Variants in GPC5 observed in about 807,000 individuals in gnomAD.
The protein encoded by GPC5 is glypican-5.
In GPC5, 47 loss-of-function variants were observed where a neutral mutation model predicts 53.9. The observed-to-expected ratio is 0.87, with a 90% CI of 0.69 to 1.11. The LOEUF (loss-of-function observed/expected upper bound fraction) is 1.11, where lower values mean the gene tolerates loss of function less well. GPC5 is among the 50% of genes most tolerant of loss of function. The pLI, the probability that GPC5 is intolerant of heterozygous loss-of-function variation, is 0.00. For synonymous variants in GPC5, 286 were observed against 263.3 expected (o/e 1.09, Z -0.84); for missense variants, 748 against 713.1 (o/e 1.05, Z -0.56).
At chr13:91,943,069 CT>C (rs1394758260) in intron 6 of GPC5, among the ~76,000 whole-genome samples, 1 of 152,038 alleles carries the variant, frequency 6.6e-6, no homozygotes, top group Non-Finnish European at 1.5e-5. Context: ...TTCTGACATG[CT>C]TTAATCACCA....
At position 92,708,857 on chromosome 13, in the gene GPC5, C is replaced by CTTTTTTTTTTTTTTTTTT. The variant is rs752130758; in HGVS notation, c.1562-157399_1562-157382dup. ...CTAGCAGCATCTAGCTGGAAACCGCCTTTTTTTTTTTTTTTTTTTTTTTTT... is the reference window on the plus strand; with the variant it reads ...CTAGCAGCATCTAGCTGGAAACCGCCTTTTTTTTTTTTTTTTTTTTTTTTTTTTTTTTTTTTTTTTTTT... On this transcript the variant is annotated intron_variant, in intron 7 of 7. Transcript: ENST00000377067. 3.3e-4 allele frequency among the ~76,000 whole-genome samples: 16 copies of CTTTTTTTTTTTTTTTTTT among 48,184 alleles called. 4 individuals are homozygous for CTTTTTTTTTTTTTTTTTT. The highest frequency in any genetic ancestry group is 5.8e-4 in the Non-Finnish European group (14 of 24,284). 31.6% of individuals were successfully genotyped at this position (48,184 alleles called of 152,430 possible). A position where few individuals can be genotyped will look rare whatever the true frequency, so the allele number is the denominator to read the frequency against.
chr13:92,160,025 C>T (rs925034348), intron 7 of GPC5, among the ~76,000 whole-genome samples: 1 of 152,076 alleles, frequency 6.6e-6, no homozygotes, highest in South Asian at 2.1e-4. Context: ...GCTTCAGCCT[C>T]CAGAGTAGCT....
At chr13:91,847,872 T>A (rs952642531) in intron 5 of GPC5, among the ~76,000 whole-genome samples, 3 of 152,212 alleles carry the variant, frequency 2.0e-5, no homozygotes, top group Non-Finnish European at 4.4e-5. Context: ...ATAAATCTAA[T>A]TTTTGAAGAA....
At chr13:91,541,995 A>T (rs1417780579) in intron 2 of GPC5, among the ~76,000 whole-genome samples, 3 of 140,858 alleles carry the variant, frequency 2.1e-5, no homozygotes, top group Non-Finnish European at 4.7e-5. Context: ...ACATATTGTG[A>T]TTTTTTCCCA....
At chr13:91,566,424 C>T (rs759432465) in intron 2 of GPC5, among the ~76,000 whole-genome samples, 21 of 151,968 alleles carry the variant, frequency 1.4e-4, no homozygotes, top group Non-Finnish European at 2.6e-4. Context: ...ATTAGCCGGG[C>T]GTGGTGGTGC....
chr13:91,476,456 C>T (rs1450004026), intron 2 of GPC5, among the ~76,000 whole-genome samples: 1 of 151,588 alleles, frequency 6.6e-6, no homozygotes, highest in African/African-American at 2.4e-5. Flanking sequence ...CATGTGAGAC[C>T]AAAAAAAGAA....
intron 5 of GPC5, among the ~76,000 whole-genome samples, chr13:91,815,301 C>T (rs985783363): frequency 3.3e-5 from 5 of 151,884 alleles, no homozygotes; most frequent in Admixed American, 1.3e-4. Flanking sequence ...CCCAGGAGGT[C>T]GAGACTACAA....
At chr13:92,635,263 C>T (rs1275230720) in intron 7 of GPC5, among the ~76,000 whole-genome samples, 2 of 152,040 alleles carry the variant, frequency 1.3e-5, no homozygotes, top group African/African-American at 4.8e-5. Context: ...TATCTTGGTT[C>T]CCTCTCTATC....
chr13:92,241,136 T>A (rs2042608882), intron 7 of GPC5: 1 of 152,152 alleles, frequency 6.6e-6, no homozygotes, highest in African/African-American at 2.4e-5. Context: ...AAAAATTCTT[T>A]CTCCAAATTT....
At chr13:91,548,050 C>T (rs2030399349) in intron 2 of GPC5, among the ~76,000 whole-genome samples, 1 of 152,118 alleles carries the variant, frequency 6.6e-6, no homozygotes, top group Non-Finnish European at 1.5e-5. Flanking sequence ...CTAGCAAGAT[C>T]AGGAGCAAAG....
At chr13:91,475,452 T>G (rs893697127) in intron 2 of GPC5, among the ~76,000 whole-genome samples, 3 of 152,214 alleles carry the variant, frequency 2.0e-5, no homozygotes, top group Non-Finnish European at 2.9e-5. Flanking sequence ...TCAAAAAGCA[T>G]ATGGTTTATT....
At chr13:91,438,648 T>C (rs1458235379) in intron 1 of GPC5, among the ~76,000 whole-genome samples, 3 of 152,182 alleles carry the variant, frequency 2.0e-5, no homozygotes, top group Admixed American at 2.0e-4. Context: ...TACTCAGATC[T>C]CAAGCTGTGT....
At chr13:92,593,579 G>A (rs1883780372) in intron 7 of GPC5, among the ~76,000 whole-genome samples, 1 of 151,134 alleles carries the variant, frequency 6.6e-6, no homozygotes, top group Non-Finnish European at 1.5e-5. Context: ...TTCAGCATTA[G>A]AGGACTGAAT....
chr13:92,225,316 T>A (rs2042477458), intron 7 of GPC5, among the ~76,000 whole-genome samples: 1 of 152,236 alleles, frequency 6.6e-6, no homozygotes, highest in Non-Finnish European at 1.5e-5. Flanking sequence ...TGTGTAGAAT[T>A]GTTTTATTGT....
chr13:91,774,897 T>G (rs553336152), intron 5 of GPC5, among the ~76,000 whole-genome samples: 12 of 152,302 alleles, frequency 7.9e-5, no homozygotes, highest in African/African-American at 2.9e-4. Flanking sequence ...TCCTCTTTAC[T>G]GAGAGCACTA....
At chr13:91,636,209 A>G (rs1029644375) in intron 2 of GPC5, among the ~76,000 whole-genome samples, 1 of 152,096 alleles carries the variant, frequency 6.6e-6, no homozygotes, top group African/African-American at 2.4e-5. Context: ...CCATTTACAT[A>G]TATCTTTCCC....
chr13:92,546,897 G>A (rs1424743504), intron 7 of GPC5, among the ~76,000 whole-genome samples: 1 of 152,022 alleles, frequency 6.6e-6, no homozygotes, highest in Non-Finnish European at 1.5e-5. Flanking sequence ...TCACAAACCT[G>A]ACAAAAACAA....
At chr13:92,765,209 G>A (rs953319647) in intron 7 of GPC5, among the ~76,000 whole-genome samples, 1 of 152,094 alleles carries the variant, frequency 6.6e-6, no homozygotes, top group Non-Finnish European at 1.5e-5. Flanking sequence ...TTTTCCCCAT[G>A]GTCTTCTTAT....
chr13:91,872,591 GC>G (rs2039158287), intron 5 of GPC5, among the ~76,000 whole-genome samples: 1 of 152,004 alleles, frequency 6.6e-6, no homozygotes, highest in African/African-American at 2.4e-5. Flanking sequence ...CACATTATAT[GC>G]ATATATGTTA....
Sources: gnomAD v4.1 joint callset for allele counts (sites outside exome capture counted in the v4.1 genomes callset) on GRCh38, gnomAD v4.1.1 for gene constraint, MANE v1.5 for transcripts, NCBI Gene and HGNC (gene_info 2026-07-23, HGNC 2026-07-21) for gene names.